The following ZNF248 variants were observed in gnomAD, a reference collection of about 807,000 sequenced individuals.
ZNF248 encodes the protein zinc finger protein 248.
A neutral mutation model predicts 44.3 loss-of-function variants in ZNF248; 20 were observed. The observed-to-expected ratio is 0.45, with a 90% CI of 0.32 to 0.66. The LOEUF is 0.66. Ranked by LOEUF, ZNF248 falls within the 30% of genes least tolerant of loss-of-function variation. The pLI is 0.04. For synonymous variants in ZNF248, 224 were observed against 229.0 expected (o/e 0.98, Z 0.20); for missense variants, 654 against 677.0 (o/e 0.97, Z 0.38).
At chr10:37,812,370 AC>A (rs1254736426) in intron 6 of ZNF248, among the ~76,000 whole-genome samples, 1 of 152,194 alleles carries the variant, frequency 6.6e-6, no homozygotes, top group Admixed American at 6.5e-5. Flanking sequence ...AGAAATGGAC[AC>A]CAAGATTAAA....
At position 37,830,570 on chromosome 10, in the gene ZNF248, G is replaced by T; in HGVS notation, c.*1045C>A. The T allele has an allele frequency of 2.0e-6, 2 of 985,314 alleles. No individual in the cohort carries two copies. The highest frequency in any genetic ancestry group is 5.2e-4 in the Middle Eastern group (1 of 1,914). 61.0% of individuals were successfully genotyped at this position (985,314 alleles called of 1,614,324 possible). A position where few individuals can be genotyped will look rare whatever the true frequency, so the allele number is the denominator to read the frequency against. ...TTTATTTATGTCAGGAAATAGAAGG[G>T]GTATGTGGTTTGTATTGCCAAATAC... On this transcript the variant is annotated 3_prime_UTR_variant, in exon 6 of 6. Coordinates refer to ENST00000395867, the MANE Select transcript of ZNF248 (RefSeq NM_021045.3).
downstream of ZNF248, among the ~76,000 whole-genome samples, chr10:37,773,083 C>G (rs754878005): frequency 6.6e-6 from 1 of 152,038 alleles, no homozygotes; most frequent in Non-Finnish European, 1.5e-5. Context: ...CCCGTCCCTA[C>G]TAAAATACAA....
chr10:37,830,691 T>C lies in ZNF248; in HGVS notation c.*924A>G. 1 of 826,012 alleles carries C rather than the reference T, an allele frequency of 1.2e-6. No individual in the cohort carries two copies. Among genetic ancestry groups the C allele is most frequent in the African/African-American group, 1.8e-5 (1 of 54,090 alleles). The allele number at this position is 826,012 out of a possible 1,614,324, so 51.2% of individuals were successfully genotyped here. A position where few individuals can be genotyped will look rare whatever the true frequency, so the allele number is the denominator to read the frequency against. ...ATTTATAGTTTGTCAATTTCCATGG[T>C]GTAAACACTCCCACTAAGTCCAAGC... On this transcript the variant is annotated 3_prime_UTR_variant, in exon 6 of 6. Transcript: ENST00000395867.
At chr10:37,761,714 A>G in the ZNF248 span, among the ~76,000 whole-genome samples, 4 of 152,326 alleles carry the variant, frequency 2.6e-5, no homozygotes, top group East Asian at 5.8e-4. Context: ...TCCTAAGAGC[A>G]TATTCTCCCC....
chr10:37,808,511 C>G (rs2133348032), intron 6 of ZNF248, among the ~76,000 whole-genome samples: 1 of 152,142 alleles, frequency 6.6e-6, no homozygotes, highest in Non-Finnish European at 1.5e-5. Context: ...TCTCAAACTC[C>G]TGGCCTCAAG....
chr10:37,820,258 T>C, intron 6 of ZNF248: 1 of 1,369,646 alleles, frequency 7.3e-7, no homozygotes, highest in Non-Finnish European at 1.0e-6. Context: ...TTTTGGGAGC[T>C]GCAGAAATGC....
At chr10:37,781,677 C>A (rs2047337318) in intron 6 of ZNF248, among the ~76,000 whole-genome samples, 1 of 152,132 alleles carries the variant, frequency 6.6e-6, no homozygotes, top group African/African-American at 2.4e-5. Context: ...AACTGGCTAC[C>A]TTTTTATGTA....
chr10:37,831,051 T>C lies in ZNF248; in HGVS notation c.*564A>G. On this transcript the variant is annotated 3_prime_UTR_variant, in exon 6 of 6. Transcript: ENST00000395867. ...ATATATTTACATATACACACAAACA[T>C]ATGTACATACACATATATAATTATG... 1 of 1,162,304 alleles carries C rather than the reference T, an allele frequency of 8.6e-7. No homozygotes were observed. The highest frequency in any genetic ancestry group is 3.7e-5 in the Admixed American group (1 of 26,996). The allele number at this position is 1,162,304 out of a possible 1,614,324, so 72.0% of individuals were successfully genotyped here. A position where few individuals can be genotyped will look rare whatever the true frequency, so the allele number is the denominator to read the frequency against.
intron 6 of ZNF248, among the ~76,000 whole-genome samples, chr10:37,822,570 T>G (rs1459614247): frequency 6.6e-6 from 1 of 152,048 alleles, no homozygotes; most frequent in Admixed American, 6.6e-5. Context: ...AAATATATAT[T>G]TATTAAATAC....
chr10:37,783,165 A>G (rs138546878), intron 6 of ZNF248, among the ~76,000 whole-genome samples: 1 of 152,272 alleles, frequency 6.6e-6, no homozygotes, highest in African/African-American at 2.4e-5. Flanking sequence ...CACATGCTTA[A>G]ATTTCCAAAC....
chr10:37,760,963 T>C, the ZNF248 span, among the ~76,000 whole-genome samples: 5 of 152,230 alleles, frequency 3.3e-5, no homozygotes, highest in African/African-American at 4.8e-5. Context: ...GGCTTAATAA[T>C]GAAACCACAA....
intron 6 of ZNF248, among the ~76,000 whole-genome samples, chr10:37,787,272 C>G (rs2047993049): frequency 6.6e-6 from 1 of 151,662 alleles, no homozygotes. Context: ...GAGCAAGACT[C>G]TATCTCAAAA....
chr10:37,831,249 CG>C lies in ZNF248; in HGVS notation c.*365del. On this transcript the variant is annotated 3_prime_UTR_variant, in exon 6 of 6. Coordinates refer to ENST00000395867, the MANE Select transcript of ZNF248 (RefSeq NM_021045.3). ...ATACTCACATAAGGTCTACAAACAT[CG>C]GGGACTCTTCACATATATGTTTAAT... 8 of 1,549,234 alleles carry C rather than the reference CG, an allele frequency of 5.2e-6. No homozygotes were observed. Among genetic ancestry groups the C allele is most frequent in the Non-Finnish European group, 7.0e-6 (8 of 1,146,092 alleles).
chr10:37,838,195 T>C, intron 3 of ZNF248, 84 bp from the exon 4 acceptor site: 1 of 1,352,090 alleles, frequency 7.4e-7, no homozygotes, highest in Non-Finnish European at 1.0e-6. Context: ...TCTTTAGAGT[T>C]TACTAAAAAA....
downstream of ZNF248, among the ~76,000 whole-genome samples, chr10:37,825,741 G>A (rs772953497): frequency 5.3e-5 from 8 of 151,996 alleles, no homozygotes; most frequent in African/African-American, 9.7e-5. Context: ...CCACCCAGCC[G>A]TCACATTTCC....
intron 3 of ZNF248, among the ~76,000 whole-genome samples, chr10:37,852,813 G>A (rs1283372206): frequency 1.3e-5 from 2 of 151,730 alleles, no homozygotes; most frequent in African/African-American, 2.4e-5. Flanking sequence ...TCTAATAGGT[G>A]TAACTGCAGT....
At chr10:37,799,365 C>CTCGAT (rs2049527415) in intron 6 of ZNF248, among the ~76,000 whole-genome samples, 1 of 152,100 alleles carries the variant, frequency 6.6e-6, no homozygotes, top group African/African-American at 2.4e-5. Flanking sequence ...TCGAGACCAT[C>CTCGAT]CTGGCCAACA....
Position 37,831,985 on chromosome 10 carries a change from G to A in ZNF248, c.1370C>T (p.Thr457Ile). 6.2e-7 allele frequency: 1 copy of A among 1,614,086 alleles called. No individual in the cohort carries two copies. The highest frequency in any genetic ancestry group is 8.5e-7 in the Non-Finnish European group (1 of 1,179,924). ...TTCATAGGGCTTCTCCCCTGTGTGT[G>A]TTCTCTGATGTTCAGTGAGGTTTGA... ...VKSNLTEHQR[T>I]HTGEKPYECN... Residue 457 changes from threonine to isoleucine, a missense_variant, in exon 6 of 6, where the codon ACA becomes ATA. Thr to Ile is a moderately conservative substitution (Grantham distance 89). Transcript: ENST00000395867.
chr10:37,785,628 G>C (rs1204347470), intron 6 of ZNF248, among the ~76,000 whole-genome samples: 1 of 152,154 alleles, frequency 6.6e-6, no homozygotes, highest in Non-Finnish European at 1.5e-5. Context: ...CCCTGTGACA[G>C]AGTATCAGAG....
Sources: allele counts gnomAD v4.1 joint callset (sites outside exome capture counted in the v4.1 genomes callset), GRCh38; gene constraint gnomAD v4.1.1; transcripts MANE v1.5; gene names NCBI Gene and HGNC (gene_info 2026-07-23, HGNC 2026-07-21).